CNTNAP2: variants seen among roughly 807,000 people sequenced by gnomAD.
CNTNAP2 encodes the protein contactin-associated protein-like 2.
CNTNAP2 carries 98 observed loss-of-function variants against 155.2 expected under a neutral mutation model. The observed-to-expected ratio is 0.63, with a 90% CI of 0.54 to 0.75. CNTNAP2 has a LOEUF of 0.75. Among genes scored for constraint, CNTNAP2 ranks in the 30% least tolerant of loss-of-function variants. CNTNAP2 has a pLI of 0.00. For synonymous variants in CNTNAP2, 651 were observed against 631.2 expected (o/e 1.03, Z -0.47); for missense variants, 1,727 against 1,688.1 (o/e 1.02, Z -0.40).
At position 148,069,633 on chromosome 7, in the gene CNTNAP2, G is replaced by T. The variant is rs535274769; in HGVS notation, c.2384-48485G>T. 1.6e-4 allele frequency among the ~76,000 whole-genome samples: 24 copies of T among 151,936 alleles called. No homozygotes were observed. In the South Asian group the frequency reaches 5.0e-3, roughly 32 times the overall value. On this transcript the variant is annotated intron_variant, in intron 15 of 23. Transcript: ENST00000361727. Reference sequence around the variant, plus strand: ...AAATTAGCCGGGCATGGTGGCGGGCGCCTGTAGTCCCAGCTACTCGGGAGG... The same window carrying T: ...AAATTAGCCGGGCATGGTGGCGGGCTCCTGTAGTCCCAGCTACTCGGGAGG...
chr7:146,435,818 T>C (rs1428218544), intron 1 of CNTNAP2, among the ~76,000 whole-genome samples: 4 of 152,210 alleles, frequency 2.6e-5, no homozygotes, highest in African/African-American at 9.6e-5. Context: ...TGCTATCATA[T>C]ATTTTAAAGA....
intron 8 of CNTNAP2, among the ~76,000 whole-genome samples, chr7:147,147,035 A>G (rs1423005320): frequency 6.6e-6 from 1 of 152,170 alleles, no homozygotes; most frequent in Non-Finnish European, 1.5e-5. Context: ...TTCATAAAGA[A>G]AAGAGGTTTA....
intron 1 of CNTNAP2, among the ~76,000 whole-genome samples, chr7:146,470,488 GC>G (rs1178379610): frequency 2.0e-5 from 3 of 151,976 alleles, no homozygotes; most frequent in African/African-American, 4.8e-5. Context: ...CCCAGATATT[GC>G]CTCTTCTTTC....
chr7:147,346,867 C>T (rs1795872077), intron 9 of CNTNAP2, among the ~76,000 whole-genome samples: 1 of 152,122 alleles, frequency 6.6e-6, no homozygotes, highest in South Asian at 2.1e-4. Flanking sequence ...CATTGCTGTA[C>T]CATTGCTTTT....
At chr7:146,618,716 G>A (rs976262288) in intron 1 of CNTNAP2, among the ~76,000 whole-genome samples, 2 of 152,052 alleles carry the variant, frequency 1.3e-5, no homozygotes, top group Non-Finnish European at 2.9e-5. Flanking sequence ...ATGCATAAAC[G>A]TTAATGGAAA....
intron 12 of CNTNAP2, among the ~76,000 whole-genome samples, chr7:147,627,069 C>A (rs554364796): frequency 6.3e-4 from 96 of 152,216 alleles, no homozygotes; most frequent in South Asian, 5.6e-3. Context: ...AGAGCAATAA[C>A]AATCTCTGCG....
chr7:147,177,017 CTA>C (rs896902000), intron 8 of CNTNAP2, among the ~76,000 whole-genome samples: 5 of 137,000 alleles, frequency 3.6e-5, no homozygotes, highest in Non-Finnish European at 7.7e-5. Context: ...ATATATAATT[CTA>C]TATAGAATTA....
intron 13 of CNTNAP2, among the ~76,000 whole-genome samples, chr7:147,872,669 A>G (rs1435625954): frequency 1.3e-5 from 2 of 152,232 alleles, no homozygotes; most frequent in African/African-American, 4.8e-5. Flanking sequence ...GATTCAATTC[A>G]TTATACTATG....
chr7:146,602,320 C>A (rs1449517135), intron 1 of CNTNAP2, among the ~76,000 whole-genome samples: 2 of 152,104 alleles, frequency 1.3e-5, no homozygotes, highest in African/African-American at 4.8e-5. Flanking sequence ...CATGTCAAGA[C>A]CTCAAGGGAA....
chr7:147,076,221 A>G (rs933111779), intron 4 of CNTNAP2, among the ~76,000 whole-genome samples: 2 of 152,142 alleles, frequency 1.3e-5, no homozygotes, highest in Non-Finnish European at 2.9e-5. Flanking sequence ...TCTTCCACAA[A>G]GGTTGAACTA....
At chr7:147,398,338 A>G (rs1796854810) in intron 10 of CNTNAP2, among the ~76,000 whole-genome samples, 1 of 151,912 alleles carries the variant, frequency 6.6e-6, no homozygotes, top group Admixed American at 6.6e-5. Flanking sequence ...AAGGAAGCCT[A>G]CAGTGGCTTT....
chr7:147,390,617 A>G (rs1315789323), intron 9 of CNTNAP2, among the ~76,000 whole-genome samples: 3 of 152,004 alleles, frequency 2.0e-5, no homozygotes, highest in Non-Finnish European at 2.9e-5. Context: ...CCATCTTACT[A>G]CTTGAGGGTT....
intron 1 of CNTNAP2, among the ~76,000 whole-genome samples, chr7:146,547,236 A>G (rs942017254): frequency 6.6e-6 from 1 of 152,006 alleles, no homozygotes; most frequent in African/African-American, 2.4e-5. Context: ...ATTAAGCCAT[A>G]GAGTGTAACT....
chr7:148,075,212 G>A (rs1803461915), intron 15 of CNTNAP2, among the ~76,000 whole-genome samples: 1 of 152,146 alleles, frequency 6.6e-6, no homozygotes, highest in Admixed American at 6.5e-5. Flanking sequence ...CAAGGCAGGT[G>A]GATCACCTGA....
chr7:148,336,996 T>C (rs1365583819), intron 21 of CNTNAP2, among the ~76,000 whole-genome samples: 2 of 142,022 alleles, frequency 1.4e-5, no homozygotes, highest in Non-Finnish European at 3.1e-5. Context: ...CAGGGGTAGC[T>C]GTAATTGTGA....
chr7:147,724,281 A>G (rs1796609436), intron 13 of CNTNAP2, among the ~76,000 whole-genome samples: 1 of 152,048 alleles, frequency 6.6e-6, no homozygotes, highest in Non-Finnish European at 1.5e-5. Context: ...TGTACAATAC[A>G]GGCTTTCTTC....
rs1030283724 is a variant in CNTNAP2 at position 148,417,285 on chromosome 7, T to C, written c.*1669T>C. 1.3e-5 allele frequency: 2 copies of C among 152,604 alleles called. No individual in the cohort carries two copies. Among genetic ancestry groups the C allele is most frequent in the African/African-American group, 2.4e-5 (1 of 41,442 alleles). 9.5% of individuals were successfully genotyped at this position (152,604 alleles called of 1,614,324 possible). On this transcript the variant is annotated 3_prime_UTR_variant, in exon 24 of 24. Transcript: ENST00000361727. ...CAAGATTCTCAGTGTGCCTAACTTA[T>C]TGGAGCACATCAGTTTCTTGGGTAA...
chr7:147,767,893 TTA>T (rs1004282799), intron 13 of CNTNAP2, among the ~76,000 whole-genome samples: 2 of 152,082 alleles, frequency 1.3e-5, no homozygotes, highest in African/African-American at 4.8e-5. Context: ...AGAAAGGAGA[TTA>T]TGTTTTTTCT....
At chr7:147,221,662 T>G (rs969775508) in intron 8 of CNTNAP2, among the ~76,000 whole-genome samples, 3 of 152,234 alleles carry the variant, frequency 2.0e-5, no homozygotes, top group East Asian at 1.9e-4. Flanking sequence ...AATTTTATCT[T>G]TACTTACTTC....
Sources: gnomAD v4.1 joint callset for allele counts (sites outside exome capture counted in the v4.1 genomes callset) on GRCh38, gnomAD v4.1.1 for gene constraint, MANE v1.5 for transcripts, NCBI Gene and HGNC (gene_info 2026-07-23, HGNC 2026-07-21) for gene names.